ADAMTSL1: variants seen among roughly 807,000 people sequenced by gnomAD.
ADAMTSL1 encodes ADAMTS-like protein 1.
In ADAMTSL1, 126 loss-of-function variants were observed where a neutral mutation model predicts 201.8. That is an observed-to-expected ratio of 0.62 (90% CI 0.54 to 0.72). ADAMTSL1 has a LOEUF of 0.72. ADAMTSL1 is among the 30% of genes least tolerant of loss of function. The pLI, the probability that ADAMTSL1 is intolerant of heterozygous loss-of-function variation, is 0.00. For missense variants in ADAMTSL1, 2,679 were observed against 2,277.8 expected, an observed-to-expected ratio of 1.18 and a Z score of -3.59; for synonymous variants, 1,121 against 903.4, an observed-to-expected ratio of 1.24 and a Z score of -4.32.
At chr9:18,040,642 T>G (rs1339656046) in intron 1 of ADAMTSL1, among the ~76,000 whole-genome samples, 3 of 152,212 alleles carry the variant, frequency 2.0e-5, no homozygotes, top group Non-Finnish European at 4.4e-5. Flanking sequence ...AATCTGTACT[T>G]AAGTATTTGT....
chr9:18,830,731 G>T (rs999942855), intron 23 of ADAMTSL1, among the ~76,000 whole-genome samples: 2 of 152,070 alleles, frequency 1.3e-5, no homozygotes, highest in African/African-American at 2.4e-5. Context: ...AGGCCTGGTG[G>T]GGGGGTGGGG....
chr9:18,303,991 G>A (rs1015994265), intron 2 of ADAMTSL1, among the ~76,000 whole-genome samples: 12 of 152,168 alleles, frequency 7.9e-5, no homozygotes, highest in Middle Eastern at 6.8e-3. Context: ...CACCCGTTCC[G>A]ACAGTTACAC....
intron 2 of ADAMTSL1, among the ~76,000 whole-genome samples, chr9:18,520,948 G>A (rs1004567650): frequency 7.2e-5 from 11 of 152,188 alleles, no homozygotes; most frequent in African/African-American, 2.4e-4. Context: ...AGGAGAAAGA[G>A]AGATTTTTTA....
chr9:18,385,198 C>G (rs1837742342), intron 2 of ADAMTSL1, among the ~76,000 whole-genome samples: 1 of 152,110 alleles, frequency 6.6e-6, no homozygotes. Flanking sequence ...AAAATCTGAT[C>G]CACCAACTTT....
chr9:17,944,252 T>C (rs1788254769), intron 1 of ADAMTSL1, among the ~76,000 whole-genome samples: 1 of 152,022 alleles, frequency 6.6e-6, no homozygotes, highest in African/African-American at 2.4e-5. Context: ...GAATCCAACA[T>C]ACAAGGGACG....
Position 18,474,170 on chromosome 9 carries a change from C to T in ADAMTSL1, c.-63C>T. 6.7e-7 allele frequency: 1 copy of T among 1,489,034 alleles called. No homozygotes were observed. The highest frequency in any genetic ancestry group is 9.4e-7 in the Non-Finnish European group (1 of 1,068,942). The allele number at this position is 1,489,034 out of a possible 1,614,324, so 92.2% of individuals were successfully genotyped here. A position where few individuals can be genotyped will look rare whatever the true frequency, so the allele number is the denominator to read the frequency against. ...TTAGCACCAGTACTGGATGTGACAG[C>T]AGGCAGAGGAGCACTTAGCAGCTTA... is the stretch of plus-strand genomic sequence containing the variant. On this transcript the variant is annotated 5_prime_UTR_variant, in exon 1 of 29. Coordinates refer to ENST00000380548, the MANE Select transcript of ADAMTSL1 (RefSeq NM_001040272.6).
At chr9:17,966,498 A>G (rs367610939) in intron 1 of ADAMTSL1, among the ~76,000 whole-genome samples, 10 of 152,210 alleles carry the variant, frequency 6.6e-5, no homozygotes, top group African/African-American at 2.4e-4. Context: ...TCTGCCCTTT[A>G]TAGTAACTTT....
chr9:18,553,706 C>T (rs1040725616), intron 3 of ADAMTSL1, among the ~76,000 whole-genome samples: 3 of 151,830 alleles, frequency 2.0e-5, no homozygotes, highest in African/African-American at 4.8e-5. Context: ...CTTAACTCTA[C>T]GTTGACAGTT....
At chr9:18,621,958 T>A (rs1169445206) in intron 4 of ADAMTSL1, among the ~76,000 whole-genome samples, 1 of 152,188 alleles carries the variant, frequency 6.6e-6, no homozygotes, top group Non-Finnish European at 1.5e-5. Flanking sequence ...TCATCTCTCT[T>A]ACTTTCTCCC....
At chr9:18,482,047 A>G (rs1466675916) in intron 1 of ADAMTSL1, among the ~76,000 whole-genome samples, 1 of 152,230 alleles carries the variant, frequency 6.6e-6, no homozygotes, top group Non-Finnish European at 1.5e-5. Flanking sequence ...CAGTGCAATT[A>G]CTATATGAGG....
intron 1 of ADAMTSL1, among the ~76,000 whole-genome samples, chr9:18,129,466 G>A (rs1225216911): frequency 1.3e-5 from 2 of 152,164 alleles, no homozygotes; most frequent in Non-Finnish European, 2.9e-5. Flanking sequence ...CAAGGCCCCT[G>A]AGAAGACCTG....
upstream of ADAMTSL1, among the ~76,000 whole-genome samples, chr9:18,472,743 C>T (rs184125529): frequency 1.4e-3 from 207 of 152,210 alleles, 2 homozygotes; most frequent in African/African-American, 4.7e-3. Context: ...AAGGAAAGAA[C>T]ATTAATTCTA....
Position 18,802,129 on chromosome 9 carries a change from A to C in ADAMTSL1, c.3805+6605A>C, listed in dbSNP as rs112197668. ...CCCATCTCTACAAAAATAAAAATCA[A>C]CACAGGTGTGGTGGCACATACCTGT... On this transcript the variant is annotated intron_variant, in intron 20 of 28. Transcript: ENST00000380548. Among the ~76,000 whole-genome samples the C allele has an allele frequency of 3.7e-3, 564 of 152,130 alleles. 3 individuals are homozygous for C. The highest frequency in any genetic ancestry group is 0.013 in the African/African-American group (523 of 41,484).
intron 23 of ADAMTSL1, among the ~76,000 whole-genome samples, chr9:18,867,629 C>T (rs145374502): frequency 2.6e-4 from 40 of 152,122 alleles, no homozygotes; most frequent in African/African-American, 8.2e-4. Flanking sequence ...CATTGAAATG[C>T]GTACATCTTT....
chr9:18,790,830 A>G (rs1395161050), intron 19 of ADAMTSL1, among the ~76,000 whole-genome samples: 1 of 152,206 alleles, frequency 6.6e-6, no homozygotes, highest in African/African-American at 2.4e-5. Flanking sequence ...AAAAATAAAA[A>G]GTGTGGTACA....
chr9:18,378,597 A>C (rs1311630621), intron 2 of ADAMTSL1, among the ~76,000 whole-genome samples: 1 of 152,094 alleles, frequency 6.6e-6, no homozygotes, highest in Non-Finnish European at 1.5e-5. Context: ...CCCATTTCTC[A>C]CACCTCACCC....
intron 2 of ADAMTSL1, among the ~76,000 whole-genome samples, chr9:18,166,037 C>G (rs1215619361): frequency 1.3e-5 from 2 of 151,814 alleles, no homozygotes; most frequent in African/African-American, 4.8e-5. Flanking sequence ...GTATAGGTCA[C>G]AAGAATCACT....
chr9:18,791,341 G>A lies in ADAMTSL1; in HGVS notation c.3678-4056G>A, dbSNP rs139424172. Among the ~76,000 whole-genome samples, 6 of 152,244 alleles carry A rather than the reference G, an allele frequency of 3.9e-5. No homozygotes were observed. The East Asian group carries it at 9.7e-4, about 25-fold the overall frequency. Reference sequence around the variant, plus strand: ...GGGCATATTGTATGTATAATAACAGGAGTCAAATCCTCCCCCATCCCTGAA... The same window carrying A: ...GGGCATATTGTATGTATAATAACAGAAGTCAAATCCTCCCCCATCCCTGAA... On this transcript the variant is annotated intron_variant, in intron 19 of 28. Transcript: ENST00000380548.
At chr9:18,416,480 A>G (rs918129245) in intron 2 of ADAMTSL1, among the ~76,000 whole-genome samples, 14 of 152,054 alleles carry the variant, frequency 9.2e-5, no homozygotes, top group African/African-American at 3.4e-4. Flanking sequence ...AGAGATTGTC[A>G]GATTGGATAA....
Sources: allele counts gnomAD v4.1 joint callset (sites outside exome capture counted in the v4.1 genomes callset), GRCh38; gene constraint gnomAD v4.1.1; transcripts MANE v1.5; gene names NCBI Gene and HGNC (gene_info 2026-07-23, HGNC 2026-07-21).